SIGLEC9: variants seen among roughly 807,000 people sequenced by gnomAD.
SIGLEC9 encodes sialic acid-binding Ig-like lectin 9.
In SIGLEC9, 26 loss-of-function variants were observed where a neutral mutation model predicts 38.3. The ratio of observed to expected loss-of-function variants is 0.68; its 90% CI spans 0.50 to 0.94. The LOEUF (loss-of-function observed/expected upper bound fraction) is 0.94. SIGLEC9 is among the 40% of genes least tolerant of loss of function. SIGLEC9 has a pLI of 0.00. For missense variants in SIGLEC9, 556 were observed against 585.7 expected (o/e 0.95, Z 0.52); for synonymous variants, 236 against 248.0 (o/e 0.95, Z 0.45).
At chr19:51,121,606 G>T (rs540819762), upstream of SIGLEC9, among the ~76,000 whole-genome samples, 34 of 122,946 alleles carry the variant, frequency 2.8e-4, 1 homozygote, top group South Asian at 5.0e-3. Flanking sequence ...TTTTTTTGAA[G>T]ATGAAGTTTC....
downstream of SIGLEC9, among the ~76,000 whole-genome samples, chr19:51,132,235 G>A (rs2092020111): frequency 6.6e-6 from 1 of 152,178 alleles, no homozygotes; most frequent in Non-Finnish European, 1.5e-5. Flanking sequence ...CACCATGAGT[G>A]GAAGCTTCCT....
At chr19:51,125,956 G>C (rs968163797) in intron 2 of SIGLEC9, 81 bp downstream of exon 2, 2 of 1,597,818 alleles carry the variant, frequency 1.3e-6, no homozygotes, top group Admixed American at 3.4e-5. Context: ...CCCGGAATCT[G>C]GGCTGGTGGT....
upstream of SIGLEC9, among the ~76,000 whole-genome samples, chr19:51,122,386 G>T (rs1467892201): frequency 1.3e-5 from 2 of 152,062 alleles, no homozygotes; most frequent in Non-Finnish European, 2.9e-5. This position sits in a 1 kb window ranked among gnomAD's most constrained non-coding sequence, Gnocchi z 4.1. Context: ...TTCAAGACCA[G>T]CCTGACCAAC....
downstream of SIGLEC9, among the ~76,000 whole-genome samples, chr19:51,133,672 C>A (rs1229328308): frequency 1.3e-5 from 2 of 152,046 alleles, no homozygotes; most frequent in Non-Finnish European, 2.9e-5. Context: ...TCTCACATCA[C>A]ACGCAAAAAA....
chr19:51,128,479 A>G lies in SIGLEC9; in HGVS notation c.1172A>G (p.Asp391Gly), dbSNP rs760603978. 6.2e-7 allele frequency: 1 copy of G among 1,614,070 alleles called. No individual in the cohort carries two copies. Among genetic ancestry groups the G allele is most frequent in the Non-Finnish European group, 8.5e-7 (1 of 1,179,978 alleles). ...GGCGTGGGAGATACGGGCATAGAGG[A>G]TGCAAACGCTGTCAGGGGTTCAGCC... The part of the protein sequence containing the change: ...AAGVGDTGIE[D>G]ANAVRGSASQ... The change falls in exon 6 of 7, where the codon GAT becomes GGT. Residue 391 changes from aspartate to glycine, a missense_variant. Transcript: ENST00000250360.
chr19:51,130,372 T>C, downstream of SIGLEC9: 1 of 282,722 alleles, frequency 3.5e-6, no homozygotes, highest in African/African-American at 2.2e-5. Flanking sequence ...CTTGCAAGGT[T>C]GTGGTCACCA....
rs1181621430 is a variant in SIGLEC9 at position 51,126,124 on chromosome 19, C to T, written c.744C>T (p.Gly248=). Residue 248 remains glycine, a synonymous_variant, in exon 3 of 7, where the codon GGC becomes GGT. Transcript: ENST00000250360. ...NLTMTVFQGD[G]TVSTVLGNGS... is the part of the protein sequence containing the mutation. ...CCATGACTGTCTTCCAAGGAGACGG[C>T]ACAGGTAGGATGGAGCTCCCTCCCT... 7 of 1,613,842 alleles carry T rather than the reference C, an allele frequency of 4.3e-6. No homozygotes were observed. Among genetic ancestry groups the T allele is most frequent in the Non-Finnish European group, 5.1e-6 (6 of 1,179,864 alleles).
In SIGLEC9 at chr19:51,129,889, AG is replaced by A; in HGVS notation, c.1206del. 6.4e-7 allele frequency: 1 copy of A among 1,572,716 alleles called. No homozygotes were observed. Among genetic ancestry groups the A allele is most frequent in the Non-Finnish European group, 8.6e-7 (1 of 1,160,900 alleles). On this transcript the variant is annotated splice_acceptor_variant, in intron 6 of 6. Transcript: ENST00000250360. LOFTEE classifies it high-confidence loss of function. ...GACTCACTTCTCTCTCCCATGTCTC[AG>A]GGGCCCCTGACTGAACCTTGGGCAG...
At position 51,130,204 on chromosome 19, in the gene SIGLEC9, T is replaced by G. The variant is rs1442671741; in HGVS notation, c.*125T>G. ...TGAGCTATGATAACACTATGAATTA[T>G]GTGCAGAGTGAAAAGCACACAGGCT... On this transcript the variant is annotated 3_prime_UTR_variant, in exon 7 of 7. Transcript: ENST00000250360. 7.1e-7 allele frequency: 1 copy of G among 1,409,868 alleles called. No individual in the cohort carries two copies. The highest frequency in any genetic ancestry group is 9.2e-7 in the Non-Finnish European group (1 of 1,083,082). The allele number at this position is 1,409,868 out of a possible 1,614,324, so 87.3% of individuals were successfully genotyped here. A position where few individuals can be genotyped will look rare whatever the true frequency, so the allele number is the denominator to read the frequency against.
upstream of SIGLEC9, chr19:51,120,259 G>A (rs574176436): frequency 7.2e-5 from 11 of 152,408 alleles, no homozygotes; most frequent in South Asian, 2.1e-4. The surrounding 1 kb of genome is among the most constrained non-coding windows in gnomAD (Gnocchi z 4.1). Flanking sequence ...ATACAGGGAC[G>A]TACTTCTTTC....
At chr19:51,121,871 A>G (rs273679), upstream of SIGLEC9, among the ~76,000 whole-genome samples, 5,841 of 151,938 alleles carry the variant, frequency 0.038, 375 homozygotes, top group African/African-American at 0.13. Context: ...TACAGATCTG[A>G]GCCGCCGCAC....
chr19:51,121,215 ACATGATCT>A (rs1489717040), upstream of SIGLEC9, among the ~76,000 whole-genome samples: 1 of 151,992 alleles, frequency 6.6e-6, no homozygotes, highest in Non-Finnish European at 1.5e-5. Context: ...GAATGCAGTG[ACATGATCT>A]CGGCTCACTG....
rs544550759 is a variant in SIGLEC9 at position 51,129,336 on chromosome 19, T to C, written c.1204-555T>C. On this transcript the variant is annotated intron_variant, in intron 6 of 6. Transcript: ENST00000250360. ...ACCACGCCCAGCTAATTTTTTTGTATTTTTAGTAGAGACGGGGTTTCACTG... is the reference window on the plus strand; with the variant it reads ...ACCACGCCCAGCTAATTTTTTTGTACTTTTAGTAGAGACGGGGTTTCACTG... Among the ~76,000 whole-genome samples the C allele has an allele frequency of 3.3e-5, 5 of 151,642 alleles. No homozygotes were observed. The South Asian group carries it at 8.3e-4, about 25-fold the overall frequency.
rs377233936 is a variant in SIGLEC9 at position 51,125,701 on chromosome 19, C to T, written c.526C>T (p.Pro176Ser). 4.6e-5 allele frequency: 74 copies of T among 1,613,926 alleles called. No individual in the cohort carries two copies. The highest frequency in any genetic ancestry group is 1.6e-4 in the Middle Eastern group (1 of 6,082). Residue 176 changes from proline (P) to serine (S), a missense_variant, in exon 2 of 7, where the codon CCT (proline) becomes TCT (serine). Coordinates refer to ENST00000250360, the MANE Select transcript of SIGLEC9 (RefSeq NM_014441.3). Reference protein sequence around the residue: ...VPWACEQGTPPMISWIGTSVS... With the variant: ...VPWACEQGTPSMISWIGTSVS... ...CTGGGCCTGTGAGCAGGGGACACCCCCTATGATCTCCTGGATAGGGACCTC... is the reference window on the plus strand; with the variant it reads ...CTGGGCCTGTGAGCAGGGGACACCCTCTATGATCTCCTGGATAGGGACCTC...
chr19:51,125,468 C>T (rs1392904027), intron 1 of SIGLEC9, 73 bp downstream of exon 1: 4 of 1,548,470 alleles, frequency 2.6e-6, no homozygotes, highest in Middle Eastern at 3.5e-4. Context: ...GGATGGAGCC[C>T]CTGCCCCAGG....
At position 51,125,767 on chromosome 19, in the gene SIGLEC9, C is replaced by T; in HGVS notation, c.592C>T (p.Leu198Phe). 1 of 1,614,018 alleles carries T rather than the reference C, an allele frequency of 6.2e-7. No homozygotes were observed. Among genetic ancestry groups the T allele is most frequent in the South Asian group, 1.1e-5 (1 of 91,090 alleles). The stretch of plus-strand genomic sequence containing the variant: ...CCCCTCCACCACCCGCTCCTCGGTG[C>T]TCACCCTCATCCCACAGCCCCAGGA... ...LDPSTTRSSV[L>F]TLIPQPQDHG... Residue 198 changes from leucine to phenylalanine, a missense_variant, in exon 2 of 7, where the codon CTC becomes TTC. Physicochemically the swap from Leu to Phe is conservative, Grantham distance 22. Transcript: ENST00000250360.
In SIGLEC9 at chr19:51,130,024, C is replaced by T. The variant is rs115125845; in HGVS notation, c.1337C>T (p.Ser446Leu). 654 of 1,613,838 alleles carry T rather than the reference C, an allele frequency of 4.1e-4. 7 individuals are homozygous for T. The South Asian group carries it at 6.0e-3, about 15-fold the overall frequency. ...TTCCAGATGGTGAAGCCTTGGGACT[C>T]GCGGGGACAGGAGGCCACTGACACC... Reference protein sequence around the residue: ...LSFQMVKPWDSRGQEATDTEY... With the variant: ...LSFQMVKPWDLRGQEATDTEY... The change falls in exon 7 of 7, where the codon TCG becomes TTG. Residue 446 changes from serine (S) to leucine (L), a missense_variant. By Grantham distance (145) the Ser-to-Leu change is moderately radical. Transcript: ENST00000250360.
At position 51,125,046 on chromosome 19, in the gene SIGLEC9, G is replaced by C. The variant is rs373690399; in HGVS notation, c.72G>C (p.Thr24=). ...AAGGACAGACAAGTAAACTGCTGAC[G>C]ATGCAGAGTTCCGTGACGGTGCAGG... ...RAEGQTSKLL[T]MQSSVTVQEG... is the part of the protein sequence containing the mutation. Residue 24 remains threonine (T), a synonymous_variant, in exon 1 of 7, where the codon ACG becomes ACC. Coordinates refer to ENST00000250360, the MANE Select transcript of SIGLEC9 (RefSeq NM_014441.3). The C allele has an allele frequency of 1.9e-6, 3 of 1,614,058 alleles. No individual in the cohort carries two copies. The highest frequency in any genetic ancestry group is 3.3e-5 in the Admixed American group (2 of 60,010).
Position 51,125,020 on chromosome 19 carries a change from G to A in SIGLEC9, c.46G>A (p.Glu16Lys), listed in dbSNP as rs1425696414. ...CCTGCTCTGGGGGAGGGAGAGGGCG[G>A]AAGGACAGACAAGTAAACTGCTGAC... ...LPLLWGRERA[E>K]GQTSKLLTMQ... The change falls in exon 1 of 7, where the codon GAA becomes AAA. Residue 16 changes from glutamate to lysine, a missense_variant. Transcript: ENST00000250360. 6.2e-7 allele frequency: 1 copy of A among 1,613,136 alleles called. No homozygotes were observed. Among genetic ancestry groups the A allele is most frequent in the Admixed American group, 1.7e-5 (1 of 60,000 alleles).
Sources: allele counts gnomAD v4.1 joint callset (sites outside exome capture counted in the v4.1 genomes callset), GRCh38; gene constraint gnomAD v4.1.1; non-coding constraint Gnocchi (gnomAD v3.1); transcripts MANE v1.5; gene names NCBI Gene and HGNC (gene_info 2026-07-23, HGNC 2026-07-21).